The following HYCC1 variants were observed in gnomAD, a reference collection of about 807,000 sequenced individuals.
The protein encoded by HYCC1 is hyccin.
chr7:22,898,498 C>G, the HYCC1 span, among the ~76,000 whole-genome samples: 1 of 151,752 alleles, frequency 6.6e-6, no homozygotes, highest in Non-Finnish European at 1.5e-5. Flanking sequence ...AGGTGTGAGC[C>G]ACTGTGCCTG....
the HYCC1 span, among the ~76,000 whole-genome samples, chr7:22,924,656 G>A: frequency 6.6e-6 from 1 of 152,258 alleles, no homozygotes; most frequent in Non-Finnish European, 1.5e-5. Flanking sequence ...CCATTGCTCA[G>A]GCTTGAGTAG....
the HYCC1 span, among the ~76,000 whole-genome samples, chr7:22,998,809 C>T: frequency 6.6e-6 from 1 of 152,152 alleles, no homozygotes; most frequent in African/African-American, 2.4e-5. Flanking sequence ...TTCTCCTGAA[C>T]ACACCATGAC....
At chr7:22,919,483 C>G in the HYCC1 span, among the ~76,000 whole-genome samples, 2 of 150,744 alleles carry the variant, frequency 1.3e-5, no homozygotes, top group East Asian at 3.9e-4. Context: ...GAGCCGAGAT[C>G]ACACCACTGC....
chr7:23,007,793 G>A, the HYCC1 span, among the ~76,000 whole-genome samples: 1 of 151,984 alleles, frequency 6.6e-6, no homozygotes, highest in African/African-American at 2.4e-5. Context: ...AAAGCTACTT[G>A]GAAATCTAAC....
At chr7:22,896,415 A>C in the HYCC1 span, among the ~76,000 whole-genome samples, 1 of 152,248 alleles carries the variant, frequency 6.6e-6, no homozygotes, top group Non-Finnish European at 1.5e-5. Flanking sequence ...AGCTGCTTTA[A>C]GAGACAGGGT....
chr7:22,988,002 C>T, the HYCC1 span, among the ~76,000 whole-genome samples: 1 of 152,158 alleles, frequency 6.6e-6, no homozygotes, highest in African/African-American at 2.4e-5. Context: ...ATACGTTACT[C>T]TAATTTTAAA....
the HYCC1 span, chr7:22,947,122 C>A: frequency 6.4e-7 from 1 of 1,550,478 alleles, no homozygotes. Context: ...TGCTGAGCAT[C>A]AATCTCTCCT....
At chr7:22,935,236 T>C in the HYCC1 span, 1 of 152,244 alleles carries the variant, frequency 6.6e-6, no homozygotes, top group Non-Finnish European at 1.5e-5. Context: ...ATTTTTCTTT[T>C]CTCTTGTGAA....
the HYCC1 span, chr7:22,937,499 C>CA: frequency 6.6e-6 from 1 of 152,142 alleles, no homozygotes; most frequent in African/African-American, 2.4e-5. Flanking sequence ...ATTTACTTCT[C>CA]AAAACATTTT....
the HYCC1 span, among the ~76,000 whole-genome samples, chr7:22,947,775 A>G: frequency 6.6e-6 from 1 of 152,128 alleles, no homozygotes; most frequent in Non-Finnish European, 1.5e-5. Context: ...CTGACTTAAT[A>G]AACCATGATA....
the HYCC1 span, among the ~76,000 whole-genome samples, chr7:22,905,386 A>ATTTTTTTTTT: frequency 2.2e-5 from 1 of 44,468 alleles, no homozygotes; most frequent in South Asian, 8.5e-4. Context: ...CTAATTTTGT[A>ATTTTTTTTTT]TTTTTTTTTT....
chr7:22,897,052 G>T, the HYCC1 span, among the ~76,000 whole-genome samples: 2 of 152,176 alleles, frequency 1.3e-5, no homozygotes, highest in African/African-American at 4.8e-5. Flanking sequence ...GGTTACTTTG[G>T]ATGGAGCCAC....
At chr7:22,972,542 A>G in the HYCC1 span, among the ~76,000 whole-genome samples, 1 of 152,222 alleles carries the variant, frequency 6.6e-6, no homozygotes, top group African/African-American at 2.4e-5. Context: ...CATTTGTTAA[A>G]CAGTCTTGTA....
chr7:23,013,011 G>A, the HYCC1 span, among the ~76,000 whole-genome samples: 6 of 152,130 alleles, frequency 3.9e-5, no homozygotes, highest in Admixed American at 2.6e-4. Context: ...GCGGCTGCCA[G>A]GCTTGTGATA....
the HYCC1 span, among the ~76,000 whole-genome samples, chr7:22,930,600 G>T: frequency 6.6e-6 from 1 of 151,690 alleles, no homozygotes; most frequent in Non-Finnish European, 1.5e-5. Flanking sequence ...ATAGAGAAGG[G>T]GGGAACTCAT....
the HYCC1 span, chr7:22,985,717 G>C: frequency 4.0e-5 from 6 of 151,682 alleles, no homozygotes; most frequent in Non-Finnish European, 8.8e-5. Flanking sequence ...TCCGTCATTT[G>C]ATCAAGAGTA....
At chr7:22,990,341 A>G in the HYCC1 span, among the ~76,000 whole-genome samples, 719 of 152,284 alleles carry the variant, frequency 4.7e-3, 7 homozygotes, top group African/African-American at 0.017. Context: ...AATCTCTCTC[A>G]ATGCAACAAG....
chr7:22,904,519 A>G, the HYCC1 span, among the ~76,000 whole-genome samples: 1 of 152,022 alleles, frequency 6.6e-6, no homozygotes, highest in African/African-American at 2.4e-5. Context: ...AGTGAAGTAA[A>G]ACATAATTCA....
the HYCC1 span, among the ~76,000 whole-genome samples, chr7:22,977,845 G>T: frequency 1.3e-5 from 2 of 152,102 alleles, no homozygotes; most frequent in East Asian, 3.8e-4. Flanking sequence ...AATGCAAGCC[G>T]TATGTTAAAA....
Sources: allele counts gnomAD v4.1 joint callset (sites outside exome capture counted in the v4.1 genomes callset), GRCh38; gene constraint gnomAD v4.1.1; transcripts MANE v1.5; gene names NCBI Gene and HGNC (gene_info 2026-07-23, HGNC 2026-07-21).